Variants in MYO18A observed in about 807,000 individuals in gnomAD.
MYO18A encodes unconventional myosin-XVIIIa.
In MYO18A, 78 loss-of-function variants were observed where a neutral mutation model predicts 235.8. The ratio of observed to expected loss-of-function variants is 0.33; its 90% confidence interval spans 0.28 to 0.40. The LOEUF (loss-of-function observed/expected upper bound fraction) is 0.40. Among genes scored for constraint, MYO18A ranks in the 10% least tolerant of loss-of-function variants. The pLI is 1.00. For missense variants in MYO18A, 2,215 were observed against 2,699.3 expected (o/e 0.82, Z 3.98); for synonymous variants, 977 against 1,077.8 (o/e 0.91, Z 1.83).
rs866236292 is a variant in MYO18A at position 29,179,225 on chromosome 17, C to T, written c.-82+1088G>A. On this transcript the variant is annotated intron_variant, in intron 1 of 41. Coordinates refer to ENST00000527372, the MANE Select transcript of MYO18A (RefSeq NM_078471.4). ...GCAAAGTGGTCAGGCAAAATGAATA[C>T]CCGCTCAAAAACAAACTGGCTGTCT... Among the ~76,000 whole-genome samples the T allele has an allele frequency of 2.6e-5, 4 of 152,270 alleles. No homozygotes were observed. In the Middle Eastern group the frequency reaches 0.01, roughly 388 times the overall value.
chr17:29,111,291 C>G lies in MYO18A; in HGVS notation c.2900+133G>C. ...GCTCCTCAAGGCCAAGTGCCCTGGG[C>G]TGTTGCCTCTCAGGAATAAAGGCCA... is the stretch of plus-strand genomic sequence containing the variant. On this transcript the variant is annotated intron_variant, in intron 17 of 41. Coordinates refer to ENST00000527372, the MANE Select transcript of MYO18A (RefSeq NM_078471.4). The surrounding 1 kb of genome is among the most constrained non-coding windows in gnomAD (Gnocchi z 5.1). The G allele has an allele frequency of 3.8e-6, 4 of 1,045,940 alleles. No homozygotes were observed. The Admixed American group carries it at 9.5e-5, about 25-fold the overall frequency. The allele number at this position is 1,045,940 out of a possible 1,614,324, so 64.8% of individuals were successfully genotyped here.
At chr17:29,107,744 T>A (rs2066827416) in intron 19 of MYO18A, 1 of 151,978 alleles carries the variant, frequency 6.6e-6, no homozygotes, top group Non-Finnish European at 1.5e-5. Flanking sequence ...GGTAAAACTG[T>A]CTCTACCAAA....
intron 40 of MYO18A, among the ~76,000 whole-genome samples, chr17:29,083,965 C>T (rs995386130): frequency 6.6e-6 from 1 of 152,192 alleles, no homozygotes; most frequent in African/African-American, 2.4e-5. Flanking sequence ...CCCTTAATAC[C>T]GTGCTGTTTA....
Position 29,074,545 on chromosome 17 carries a change from A to T in MYO18A, c.*225T>A. ...CCAAGAGTCTGGCATTTTGAGACAG[A>T]GGAGCAAAAAGTTCTCTTCAGAAAC... On this transcript the variant is annotated 3_prime_UTR_variant, in exon 42 of 42. Coordinates refer to ENST00000527372, the MANE Select transcript of MYO18A (RefSeq NM_078471.4). The surrounding 1 kb of genome is among the most constrained non-coding windows in gnomAD (Gnocchi z 4.4). The T allele has an allele frequency of 3.4e-6, 2 of 596,490 alleles. No individual in the cohort carries two copies. The highest frequency in any genetic ancestry group is 3.0e-6 in the Non-Finnish European group (1 of 330,472). 36.9% of individuals were successfully genotyped at this position (596,490 alleles called of 1,614,324 possible).
chr17:29,086,997 T>C lies in MYO18A; in HGVS notation c.5651A>G (p.Lys1884Arg), dbSNP rs374967065. Residue 1884 changes from lysine to arginine, a missense_variant, in exon 38 of 42, where the codon AAG becomes AGG. Physicochemically the swap from Lys to Arg is conservative, Grantham distance 26. Coordinates refer to ENST00000527372, the MANE Select transcript of MYO18A (RefSeq NM_078471.4). The part of the protein sequence containing the change: ...KRLQRQLRDT[K>R]EEMGELARKE... ...CCTGGCAAGCTCGCCCATCTCCTCC[T>C]TGGTGTCCCGGAGCTGCCTCTGTAG... 4.3e-6 allele frequency: 7 copies of C among 1,613,896 alleles called. No individual in the cohort carries two copies. In the African/African-American group the frequency reaches 8.0e-5, roughly 18 times the overall value.
At chr17:29,087,697 C>T (rs1474750498) in intron 37 of MYO18A, among the ~76,000 whole-genome samples, 1 of 152,126 alleles carries the variant, frequency 6.6e-6, no homozygotes, top group Non-Finnish European at 1.5e-5. Flanking sequence ...GGAAGAACCC[C>T]GCATCTGCTT....
intron 1 of MYO18A, among the ~76,000 whole-genome samples, chr17:29,175,512 C>T (rs1016893208): frequency 1.3e-5 from 2 of 151,570 alleles, no homozygotes; most frequent in Non-Finnish European, 2.9e-5. Context: ...TACAGGCACT[C>T]GCCACCACAC....
chr17:29,102,133 G>A (rs2066668327), intron 21 of MYO18A, among the ~76,000 whole-genome samples: 1 of 152,228 alleles, frequency 6.6e-6, no homozygotes, highest in Admixed American at 6.5e-5. Context: ...GCCCTTGAGT[G>A]ACAGTGGGCC....
intron 21 of MYO18A, among the ~76,000 whole-genome samples, chr17:29,100,801 G>T (rs959688903): frequency 1.1e-4 from 17 of 152,138 alleles, no homozygotes; most frequent in African/African-American, 4.1e-4. Context: ...GTATCCCAAG[G>T]CCCCCTTCAG....
Position 29,085,596 on chromosome 17 carries a change from G to C in MYO18A, c.5897+8C>G. On this transcript the variant is annotated splice_region_variant and intron_variant, in intron 40 of 41. Transcript: ENST00000527372. Reference sequence around the variant, plus strand: ...ACAGGCAGAGAGCACATGCGCTCCAGTCCTCACAGTTTATTCTTTCTTTTC... The same window carrying C: ...ACAGGCAGAGAGCACATGCGCTCCACTCCTCACAGTTTATTCTTTCTTTTC... 6.2e-7 allele frequency: 1 copy of C among 1,613,928 alleles called. No homozygotes were observed. The highest frequency in any genetic ancestry group is 8.5e-7 in the Non-Finnish European group (1 of 1,179,812).
intron 15 of MYO18A, among the ~76,000 whole-genome samples, chr17:29,113,802 A>G (rs1004194902): frequency 6.6e-6 from 1 of 152,188 alleles, no homozygotes; most frequent in Non-Finnish European, 1.5e-5. Flanking sequence ...GGCAGAAGAA[A>G]GTGCCACCTT....
At chr17:29,170,367 G>C (rs981168911) in intron 1 of MYO18A, among the ~76,000 whole-genome samples, 2 of 152,158 alleles carry the variant, frequency 1.3e-5, no homozygotes, top group African/African-American at 4.8e-5. Context: ...GTCTAGAGCT[G>C]CCTGGCTGCC....
chr17:29,086,541 T>C lies in MYO18A; in HGVS notation c.5749A>G (p.Ser1917Gly). 1 of 1,613,274 alleles carries C rather than the reference T, an allele frequency of 6.2e-7. No homozygotes were observed. Among genetic ancestry groups the C allele is most frequent in the South Asian group, 1.1e-5 (1 of 90,872 alleles). ...GCCAACTTTAGGTCAGCCTGCAGGCTCTGGTTAGCAGCCTCCAGGCTTTCT... is the reference window on the plus strand; with the variant it reads ...GCCAACTTTAGGTCAGCCTGCAGGCCCTGGTTAGCAGCCTCCAGGCTTTCT... The part of the protein sequence containing the change: ...DLESLEAANQ[S>G]LQADLKLAFK... Residue 1917 changes from serine to glycine, a missense_variant, in exon 39 of 42, where the codon AGC becomes GGC. Transcript: ENST00000527372.
Position 29,118,270 on chromosome 17 carries a change from A to G in MYO18A, c.1894-81T>C. 6.4e-7 allele frequency: 1 copy of G among 1,553,222 alleles called. No homozygotes were observed. Among genetic ancestry groups the G allele is most frequent in the Non-Finnish European group, 8.7e-7 (1 of 1,144,184 alleles). On this transcript the variant is annotated intron_variant, in intron 9 of 41. Coordinates refer to ENST00000527372, the MANE Select transcript of MYO18A (RefSeq NM_078471.4). This position sits in a 1 kb window ranked among gnomAD's most constrained non-coding sequence, Gnocchi z 4.2. ...TGGGCCCTCAGGGCAAGGCTTGGGT[A>G]GAGCCAGCAGCTGGAGCTGGGCTCC...
At chr17:29,082,703 C>T (rs1414980690) in intron 40 of MYO18A, among the ~76,000 whole-genome samples, 1 of 152,060 alleles carries the variant, frequency 6.6e-6, no homozygotes, top group African/African-American at 2.4e-5. Context: ...TTATCTGTGA[C>T]AGGCCACTGA....
Position 29,087,133 on chromosome 17 carries a change from G to C in MYO18A, c.5527-12C>G. 3 of 1,608,216 alleles carry C rather than the reference G, an allele frequency of 1.9e-6. No individual in the cohort carries two copies. Among genetic ancestry groups the C allele is most frequent in the Non-Finnish European group, 2.6e-6 (3 of 1,176,258 alleles). On this transcript the variant is annotated splice_polypyrimidine_tract_variant and intron_variant, in intron 37 of 41. Coordinates refer to ENST00000527372, the MANE Select transcript of MYO18A (RefSeq NM_078471.4). ...CGGCTAGCCAGGCTCTGGATAGGTA[G>C]GTGGGGAAGAAAGACACAGCAGGCA...
At chr17:29,167,961 TC>T (rs949212193) in intron 1 of MYO18A, among the ~76,000 whole-genome samples, 4 of 152,174 alleles carry the variant, frequency 2.6e-5, no homozygotes, top group African/African-American at 9.7e-5. Flanking sequence ...CTCACAGCAT[TC>T]CTACAAGGTA....
In MYO18A at chr17:29,094,761, A is replaced by C; in HGVS notation, c.4599T>G (p.Asp1533Glu). Residue 1533 changes from aspartate (D) to glutamate (E), a missense_variant, in exon 30 of 42, where the codon GAT (aspartate) becomes GAG (glutamate). Transcript: ENST00000527372. The stretch of plus-strand genomic sequence containing the variant: ...TCTTGACCTTGGCCAGAGAAGCCTC[A>C]TCCTTGGACTCTTGGGAAGAAATGT... Reference protein sequence around the residue: ...LQDISSQESKDEASLAKVKKQ... With the variant: ...LQDISSQESKEEASLAKVKKQ... The C allele has an allele frequency of 6.2e-7, 1 of 1,614,044 alleles. No homozygotes were observed. The highest frequency in any genetic ancestry group is 2.2e-5 in the East Asian group (1 of 44,880).
rs201017846 is a variant in MYO18A at position 29,109,166 on chromosome 17, AC to A, written c.3331+691del. On this transcript the variant is annotated intron_variant, in intron 19 of 41. Coordinates refer to ENST00000527372, the MANE Select transcript of MYO18A (RefSeq NM_078471.4). This position sits in a 1 kb window ranked among gnomAD's most constrained non-coding sequence, Gnocchi z 4.1. ...TTCTCAGGCAAAAAACAAAAAAAAA[AC>A]AAAAAAAACCCACCCTACTTGAGAG... is the stretch of plus-strand genomic sequence containing the variant. 6.7e-6 allele frequency among the ~76,000 whole-genome samples: 1 copy of A among 150,248 alleles called. No homozygotes were observed. The highest frequency in any genetic ancestry group is 2.5e-5 in the African/African-American group (1 of 40,218).
Sources: gnomAD v4.1 joint callset for allele counts (sites outside exome capture counted in the v4.1 genomes callset) on GRCh38, gnomAD v4.1.1 for gene constraint, Gnocchi (gnomAD v3.1) non-coding constraint, MANE v1.5 for transcripts, NCBI Gene and HGNC (gene_info 2026-07-23, HGNC 2026-07-21) for gene names.